The following DARS1 variants were observed in gnomAD, a reference collection of about 807,000 sequenced individuals.
DARS1 encodes the protein aspartyl-tRNA synthetase 1, also known as aspartate--tRNA ligase, cytoplasmic.
DARS1 carries 51 observed loss-of-function variants against 68.8 expected under a neutral mutation model. The observed-to-expected ratio is 0.74, with a 90% confidence interval of 0.59 to 0.94. The LOEUF (loss-of-function observed/expected upper bound fraction) is 0.94, where lower values mean the gene tolerates loss of function less well. Among genes scored for constraint, DARS1 ranks in the 40% least tolerant of loss-of-function variants. The pLI is 0.00. For synonymous variants in DARS1, 203 were observed against 190.4 expected (o/e 1.07, Z -0.55); for missense variants, 607 against 597.3 (o/e 1.02, Z -0.17).
At chr2:135,914,558 T>C (rs1558777001) in intron 11 of DARS1, 47 bp from the exon 12 acceptor site, 1 of 978,386 alleles carries the variant, frequency 1.0e-6, no homozygotes, top group Non-Finnish European at 1.7e-6. Flanking sequence ...AATGGCAACT[T>C]AAAAACATTA....
intron 8 of DARS1, among the ~76,000 whole-genome samples, chr2:135,923,855 T>C (rs538198652): frequency 6.6e-6 from 1 of 152,028 alleles, no homozygotes; most frequent in Non-Finnish European, 1.5e-5. Flanking sequence ...CTGTATCTAC[T>C]AAACATACAA....
intron 3 of DARS1, among the ~76,000 whole-genome samples, chr2:135,962,624 A>C (rs1420791847): frequency 6.6e-6 from 1 of 152,234 alleles, no homozygotes; most frequent in Non-Finnish European, 1.5e-5. Context: ...ACACAGACAT[A>C]ATCTATTGAC....
At chr2:135,911,304 G>C in intron 14 of DARS1, 78 bp downstream of exon 14, 2 of 845,242 alleles carry the variant, frequency 2.4e-6, no homozygotes, top group Non-Finnish European at 4.1e-6. Context: ...TTTTTAAAAA[G>C]ACTGAGAAGT....
intron 5 of DARS1, among the ~76,000 whole-genome samples, chr2:135,937,125 G>C (rs780044126): frequency 6.6e-6 from 1 of 152,022 alleles, no homozygotes; most frequent in Non-Finnish European, 1.5e-5. Flanking sequence ...GTCTCACTTA[G>C]TCACGCAGGT....
intron 6 of DARS1, 80 bp downstream of exon 6, chr2:135,933,830 C>T: frequency 1.3e-6 from 2 of 1,509,918 alleles, no homozygotes; most frequent in Non-Finnish European, 1.8e-6. Flanking sequence ...TTCACAGACA[C>T]CCTTAGTACA....
chr2:135,975,825 T>C (rs574749093), intron 3 of DARS1, among the ~76,000 whole-genome samples: 2 of 150,670 alleles, frequency 1.3e-5, no homozygotes, highest in Non-Finnish European at 2.9e-5. Flanking sequence ...GGCAGGTACC[T>C]GTAATCCCAG....
chr2:135,916,343 T>G lies in DARS1; in HGVS notation c.989A>C (p.Lys330Thr). Residue 330 changes from lysine to threonine, a missense_variant, in exon 11 of 16, where the codon AAA (lysine) becomes ACA (threonine). Coordinates refer to ENST00000264161, the MANE Select transcript of DARS1 (RefSeq NM_001349.4). ...RFQTEIQTVN[K>T]QFPCEPFKFL... ...TTTGAATGGCTCACATGGGAACTGT[T>G]TATTCACTGTTTGAATTTCAGTCTG... 3.3e-6 allele frequency: 5 copies of G among 1,509,600 alleles called. No homozygotes were observed. Among genetic ancestry groups the G allele is most frequent in the Non-Finnish European group, 4.6e-6 (5 of 1,084,798 alleles). 93.5% of individuals were successfully genotyped at this position (1,509,600 alleles called of 1,614,324 possible). A position where few individuals can be genotyped will look rare whatever the true frequency, so the allele number is the denominator to read the frequency against.
intron 11 of DARS1, among the ~76,000 whole-genome samples, chr2:135,915,548 A>G (rs1253320229): frequency 6.6e-6 from 1 of 152,130 alleles, no homozygotes; most frequent in African/African-American, 2.4e-5. Flanking sequence ...TGGCTTCTCA[A>G]AGTACTGGGA....
intron 4 of DARS1, among the ~76,000 whole-genome samples, chr2:135,961,037 A>C (rs1682087131): frequency 6.6e-6 from 1 of 152,170 alleles, no homozygotes; most frequent in Non-Finnish European, 1.5e-5. Flanking sequence ...CTCAACATGC[A>C]AATCTCAAAC....
intron 15 of DARS1, 50 bp from the exon 16 acceptor site, chr2:135,907,457 G>T (rs1370961077): frequency 1.3e-5 from 16 of 1,272,644 alleles, no homozygotes; most frequent in African/African-American, 1.5e-5. Flanking sequence ...ATCTCTCAGG[G>T]TCTTACTTAG....
At chr2:135,958,953 A>G (rs767040234) in intron 4 of DARS1, among the ~76,000 whole-genome samples, 27 of 152,164 alleles carry the variant, frequency 1.8e-4, no homozygotes, top group Non-Finnish European at 3.7e-4. Flanking sequence ...GGGACTAAAA[A>G]TAGCTGCATG....
chr2:135,982,315 C>T (rs1450739706), intron 2 of DARS1, among the ~76,000 whole-genome samples: 1 of 152,056 alleles, frequency 6.6e-6, no homozygotes, highest in African/African-American at 2.4e-5. Context: ...AAATATAAGG[C>T]CGGGTGCGGT....
At position 135,916,281 on chromosome 2, in the gene DARS1, C is replaced by T. The variant is rs950414203; in HGVS notation, c.1051G>A (p.Ala351Thr). The part of the protein sequence containing the change: ...EPTLRLEYCE[A>T]LAMLREAGVE... ...CCAGCTTCCCTAAGCATAGCCAATG[C>T]TTCACAATATTCTAGTCTTAGAGTT... The change falls in exon 11 of 16, where the codon GCA (alanine) becomes ACA (threonine). Residue 351 changes from alanine (A) to threonine (T), a missense_variant. Coordinates refer to ENST00000264161, the MANE Select transcript of DARS1 (RefSeq NM_001349.4). 6.4e-7 allele frequency: 1 copy of T among 1,570,740 alleles called. No homozygotes were observed. The highest frequency in any genetic ancestry group is 1.7e-5 in the Admixed American group (1 of 59,976).
At chr2:135,941,977 T>A (rs542302106) in intron 5 of DARS1, among the ~76,000 whole-genome samples, 2 of 152,316 alleles carry the variant, frequency 1.3e-5, no homozygotes, top group African/African-American at 4.8e-5. Flanking sequence ...CCAGTTAGAA[T>A]GGCGATCATT....
intron 4 of DARS1, among the ~76,000 whole-genome samples, chr2:135,956,087 G>A (rs992149703): frequency 1.3e-5 from 2 of 152,174 alleles, no homozygotes; most frequent in East Asian, 3.8e-4. Context: ...ATAAGTGTTT[G>A]AATCAGCATC....
At chr2:135,912,684 T>A in intron 12 of DARS1, 118 bp from the exon 13 acceptor site, 1 of 455,538 alleles carries the variant, frequency 2.2e-6, no homozygotes, top group East Asian at 3.6e-5. Flanking sequence ...TTATATTGTA[T>A]ATACAATGAA....
chr2:135,951,450 A>C (rs1681836685), intron 4 of DARS1, among the ~76,000 whole-genome samples: 1 of 152,264 alleles, frequency 6.6e-6, no homozygotes, highest in South Asian at 2.1e-4. Flanking sequence ...AGTTGTAAGC[A>C]AACAGATAAG....
intron 12 of DARS1, 55 bp downstream of exon 12, chr2:135,914,414 T>A (rs1680962231): frequency 1.1e-6 from 1 of 894,604 alleles, no homozygotes; most frequent in African/African-American, 1.6e-5. Flanking sequence ...TTGTTTTTAG[T>A]CCCAAGAGAC....
At chr2:135,923,510 G>A (rs930438195) in intron 8 of DARS1, among the ~76,000 whole-genome samples, 3 of 151,940 alleles carry the variant, frequency 2.0e-5, no homozygotes, top group Non-Finnish European at 2.9e-5. Flanking sequence ...GGCTGGTCTC[G>A]AACTCCTGAC....
Sources: allele counts gnomAD v4.1 joint callset (sites outside exome capture counted in the v4.1 genomes callset), GRCh38; gene constraint gnomAD v4.1.1; transcripts MANE v1.5; gene names NCBI Gene and HGNC (gene_info 2026-07-23, HGNC 2026-07-21).